Variants in NRG1 observed in about 807,000 individuals in gnomAD.
NRG1 encodes the protein neuregulin 1.
A neutral mutation model predicts 63.8 loss-of-function variants in NRG1; 18 were observed. That is an observed-to-expected ratio of 0.28 (90% confidence interval 0.19 to 0.42). The LOEUF (loss-of-function observed/expected upper bound fraction) is 0.42, where lower values mean the gene tolerates loss of function less well. NRG1 is among the 10% of genes least tolerant of loss of function. The pLI is 1.00. For synonymous variants in NRG1, 302 were observed against 301.3 expected (o/e 1.00, Z -0.02); for missense variants, 762 against 814.7 (o/e 0.94, Z 0.79).
At chr8:32,355,915 A>T (rs74786920) in intron 1 of NRG1, among the ~76,000 whole-genome samples, 8,578 of 152,220 alleles carry the variant, frequency 0.056, 317 homozygotes, top group Middle Eastern at 0.099. Flanking sequence ...GGACATGAAC[A>T]TGTGTCTGTC....
chr8:31,931,082 C>T (rs796390706), intron 1 of NRG1, among the ~76,000 whole-genome samples: 1 of 152,154 alleles, frequency 6.6e-6, no homozygotes, highest in East Asian at 1.9e-4. Context: ...CGGACTTTTG[C>T]TCATCTACTT....
At chr8:32,515,508 G>A (rs1829733338) in intron 1 of NRG1, among the ~76,000 whole-genome samples, 1 of 151,974 alleles carries the variant, frequency 6.6e-6, no homozygotes, top group South Asian at 2.1e-4. Context: ...GTGCAGTGGT[G>A]TGATCAGCTC....
intron 1 of NRG1, among the ~76,000 whole-genome samples, chr8:32,140,939 TTCTCTCTCTCTCTCTCTCGCTCAC>T (rs1322807727): frequency 6.7e-6 from 1 of 149,366 alleles, no homozygotes; most frequent in Non-Finnish European, 1.5e-5. Context: ...TTTATGCACC[TTCTCTCTCTCTCTCTCTCGCTCAC>T]TCTCTCTCTC....
intron 1 of NRG1, among the ~76,000 whole-genome samples, chr8:32,430,490 G>A (rs55899624): frequency 0.19 from 28,443 of 152,078 alleles, 3,075 homozygotes; most frequent in South Asian, 0.3. Context: ...GGCTAGAGGT[G>A]GGCGTGTGGA....
chr8:32,769,610 CTA>C (rs1831654737), downstream of NRG1, among the ~76,000 whole-genome samples: 1 of 152,126 alleles, frequency 6.6e-6, no homozygotes, highest in South Asian at 2.1e-4. Context: ...ACTTTGCACT[CTA>C]TGTTTGGCTT....
intron 1 of NRG1, among the ~76,000 whole-genome samples, chr8:32,074,437 A>G (rs1478622092): frequency 6.6e-6 from 1 of 152,190 alleles, no homozygotes; most frequent in Non-Finnish European, 1.5e-5. Flanking sequence ...TGAGCTCTTA[A>G]TTGCAGATCA....
chr8:31,833,494 A>G (rs1503488), intron 1 of NRG1, among the ~76,000 whole-genome samples: 111,437 of 152,108 alleles, frequency 0.73, 41,438 homozygotes, highest in East Asian at 0.99. Flanking sequence ...AGATAAGCCC[A>G]TAGAACTGGG....
At chr8:31,708,082 A>G (rs749489693) in intron 1 of NRG1, among the ~76,000 whole-genome samples, 14 of 152,294 alleles carry the variant, frequency 9.2e-5, no homozygotes, top group South Asian at 2.1e-4. Flanking sequence ...ATCCATCTGT[A>G]CAGTCCTAGA....
intron 1 of NRG1, among the ~76,000 whole-genome samples, chr8:32,301,091 A>G (rs943198922): frequency 1.3e-5 from 2 of 152,360 alleles, no homozygotes; most frequent in African/African-American, 4.8e-5. Context: ...ACTATTTTCT[A>G]AGAATAACCT....
At chr8:31,858,673 G>A (rs146985897) in intron 1 of NRG1, among the ~76,000 whole-genome samples, 380 of 152,224 alleles carry the variant, frequency 2.5e-3, no homozygotes, top group African/African-American at 8.9e-3. Context: ...ACAGCTTTCT[G>A]AATCCTGGCT....
chr8:32,310,473 G>T (rs1856691537), intron 1 of NRG1, among the ~76,000 whole-genome samples: 1 of 152,134 alleles, frequency 6.6e-6, no homozygotes, highest in Non-Finnish European at 1.5e-5. Flanking sequence ...GAAATTTAGG[G>T]TTCAGATGGA....
intron 1 of NRG1, among the ~76,000 whole-genome samples, chr8:31,719,975 AGG>A (rs1182055740): frequency 6.6e-6 from 1 of 152,018 alleles, no homozygotes; most frequent in Non-Finnish European, 1.5e-5. Context: ...AGTTATAGGG[AGG>A]GTAAACACTG....
chr8:32,647,548 C>T (rs557243824), intron 5 of NRG1: 13 of 985,242 alleles, frequency 1.3e-5, no homozygotes, highest in Non-Finnish European at 1.4e-5. Context: ...TTGCTAGGAG[C>T]TTTTCTTCCC....
chr8:32,498,561 A>G (rs1162851476), intron 1 of NRG1, among the ~76,000 whole-genome samples: 1 of 150,270 alleles, frequency 6.7e-6, no homozygotes, highest in Admixed American at 6.7e-5. Context: ...ACTTACTATC[A>G]TGAGAACAGC....
chr8:31,664,422 G>A (rs931737642), intron 1 of NRG1, among the ~76,000 whole-genome samples: 1 of 152,168 alleles, frequency 6.6e-6, no homozygotes, highest in Non-Finnish European at 1.5e-5. Flanking sequence ...GTTGATAGTG[G>A]AAGGTTGCAG....
rs1319939405 is a variant in NRG1 at position 32,742,382 on chromosome 8, T to C, written c.633-293T>C. The stretch of plus-strand genomic sequence containing the variant: ...AAAGCCATCATATGGAAAACTGAGA[T>C]GAATAAAACATCGGATTTCATTTTA... On this transcript the variant is annotated intron_variant, in intron 6 of 11. Transcript: ENST00000356819. This position sits in a 1 kb window ranked among gnomAD's most constrained non-coding sequence, Gnocchi z 4.2. Among the ~76,000 whole-genome samples the C allele has an allele frequency of 6.6e-6, 1 of 152,072 alleles. No individual in the cohort carries two copies. The highest frequency in any genetic ancestry group is 1.5e-5 in the Non-Finnish European group (1 of 68,020).
intron 1 of NRG1, among the ~76,000 whole-genome samples, chr8:32,155,235 C>G (rs1344933516): frequency 6.6e-6 from 1 of 152,100 alleles, no homozygotes; most frequent in East Asian, 1.9e-4. Context: ...TACTAACTAC[C>G]CATCCCAACT....
chr8:31,654,754 A>G (rs889621040), intron 1 of NRG1, among the ~76,000 whole-genome samples: 1 of 152,276 alleles, frequency 6.6e-6, no homozygotes, highest in South Asian at 2.1e-4. Flanking sequence ...CTTGGGAAAC[A>G]TAGTGAGGCC....
intron 1 of NRG1, among the ~76,000 whole-genome samples, chr8:31,741,064 G>A (rs1437129464): frequency 6.6e-6 from 1 of 151,988 alleles, no homozygotes; most frequent in Non-Finnish European, 1.5e-5. Context: ...AATGCCCTTT[G>A]CAGCAACATG....
Sources: gnomAD v4.1 joint callset for allele counts (sites outside exome capture counted in the v4.1 genomes callset) on GRCh38, gnomAD v4.1.1 for gene constraint, Gnocchi (gnomAD v3.1) non-coding constraint, MANE v1.5 for transcripts, NCBI Gene and HGNC (gene_info 2026-07-23, HGNC 2026-07-21) for gene names.